TRAM2: variants seen among roughly 807,000 people sequenced by gnomAD.
TRAM2 encodes translocating chain-associated membrane protein 2.
A neutral mutation model predicts 51.0 loss-of-function variants in TRAM2; 12 were observed. The observed-to-expected ratio is 0.24, with a 90% confidence interval of 0.15 to 0.38. The LOEUF (loss-of-function observed/expected upper bound fraction) is 0.38. Ranked by LOEUF, TRAM2 falls within the 10% of genes least tolerant of loss-of-function variation. TRAM2 has a pLI of 1.00. For missense variants in TRAM2, 361 were observed against 462.0 expected, an observed-to-expected ratio of 0.78 and a Z score of 2.00; for synonymous variants, 175 against 179.4, an observed-to-expected ratio of 0.98 and a Z score of 0.20.
chr6:52,544,410 G>A (rs1210161172), intron 1 of TRAM2, among the ~76,000 whole-genome samples: 2 of 152,198 alleles, frequency 1.3e-5, no homozygotes, highest in Non-Finnish European at 2.9e-5. Flanking sequence ...GGGGTCCCAA[G>A]GAGTTGGCCA....
chr6:52,537,867 T>C (rs2114088146), intron 1 of TRAM2, among the ~76,000 whole-genome samples: 1 of 152,294 alleles, frequency 6.6e-6, no homozygotes, highest in East Asian at 1.9e-4. Flanking sequence ...TCCCCCTCTG[T>C]CGTGGGAGCT....
chr6:52,505,932 G>C, intron 8 of TRAM2, 100 bp downstream of exon 8: 2 of 1,429,072 alleles, frequency 1.4e-6, no homozygotes, highest in South Asian at 2.4e-5. Flanking sequence ...GCAGGTAAGC[G>C]GGCAGTGTGC....
At position 52,550,244 on chromosome 6, in the gene TRAM2, A is replaced by G. The variant is rs560788803; in HGVS notation, c.121-14398T>C. On this transcript the variant is annotated intron_variant, in intron 1 of 10. Transcript: ENST00000182527. ...CCCTCCCCTTCAACCACAGCTCTCA[A>G]TGGTATTTCCTCTCTCCCTTCCTTC... Among the ~76,000 whole-genome samples, 74 of 152,184 alleles carry G rather than the reference A, an allele frequency of 4.9e-4. No homozygotes were observed. The South Asian group carries it at 0.015, about 30-fold the overall frequency.
chr6:52,507,060 T>C (rs1310561416), intron 7 of TRAM2, among the ~76,000 whole-genome samples: 2 of 152,194 alleles, frequency 1.3e-5, no homozygotes, highest in Non-Finnish European at 2.9e-5. Context: ...AGAACTAATA[T>C]TATAGCAATT....
chr6:52,521,522 G>A (rs898311371), intron 2 of TRAM2, among the ~76,000 whole-genome samples: 5 of 151,226 alleles, frequency 3.3e-5, no homozygotes, highest in African/African-American at 7.3e-5. Flanking sequence ...TGAAACCCCC[G>A]TCTCCACTAA....
chr6:52,520,717 G>C (rs1213044383), intron 2 of TRAM2, among the ~76,000 whole-genome samples: 2 of 152,080 alleles, frequency 1.3e-5, no homozygotes, highest in Admixed American at 6.6e-5. Context: ...CTAGAACCCA[G>C]CCACCAAATG....
intron 1 of TRAM2, among the ~76,000 whole-genome samples, chr6:52,537,576 G>A (rs976192098): frequency 6.6e-6 from 1 of 152,040 alleles, no homozygotes; most frequent in East Asian, 1.9e-4. Context: ...GCTGTTCAAG[G>A]GGCATGATCT....
rs1466176817 is a variant in TRAM2, at chr6:52,504,866, C to T, written c.876-112G>A. 2.0e-5 allele frequency: 19 copies of T among 940,116 alleles called. No individual in the cohort carries two copies. In the Middle Eastern group the frequency reaches 1.0e-3, roughly 50 times the overall value. The allele number at this position is 940,116 out of a possible 1,614,324, so 58.2% of individuals were successfully genotyped here. ...GCCCTGCAGTTCCCATGGCTTATCA[C>T]GTCCGCCTTCACCACTGGCCCTCTT... On this transcript the variant is annotated intron_variant, in intron 9 of 10. Transcript: ENST00000182527.
At chr6:52,547,555 G>A (rs1300190860) in intron 1 of TRAM2, among the ~76,000 whole-genome samples, 2 of 152,184 alleles carry the variant, frequency 1.3e-5, no homozygotes, top group South Asian at 2.1e-4. Context: ...CACTATATTC[G>A]CAAAGGGGCT....
At chr6:52,508,964 G>A (rs575112645) in intron 5 of TRAM2, among the ~76,000 whole-genome samples, 21 of 152,328 alleles carry the variant, frequency 1.4e-4, no homozygotes, top group South Asian at 2.1e-4. Context: ...AACCCAGGAG[G>A]TGGAGGTTGC....
rs115761054 is a variant in TRAM2, at chr6:52,560,563, G to A, written c.120+16233C>T. ...TTTACCTAATCTGTTCATTGTAGGT[G>A]GATATTTGGGTTATTTCAAACGAAG... On this transcript the variant is annotated intron_variant, in intron 1 of 10. Coordinates refer to ENST00000182527, the MANE Select transcript of TRAM2 (RefSeq NM_012288.4). Among the ~76,000 whole-genome samples, 637 of 152,302 alleles carry A rather than the reference G, an allele frequency of 4.2e-3. 3 individuals are homozygous for A. Among genetic ancestry groups the A allele is most frequent in the South Asian group, 0.028 (135 of 4,826 alleles).
intron 2 of TRAM2, among the ~76,000 whole-genome samples, chr6:52,531,851 ATCTC>A (rs146767145): frequency 0.03 from 4,501 of 152,206 alleles, 185 homozygotes; most frequent in African/African-American, 0.1. Flanking sequence ...TTTATTACCT[ATCTC>A]TCTCTAATAA....
At chr6:52,504,440 T>C in intron 10 of TRAM2, 151 bp downstream of exon 10, 3 of 1,396,608 alleles carry the variant, frequency 2.1e-6, no homozygotes, top group Non-Finnish European at 2.8e-6. Flanking sequence ...ATCAGGGAGC[T>C]AGGAGCCCCA....
rs575037666 is a variant in TRAM2 at position 52,498,831 on chromosome 6, G to A, written c.*4366C>T. 5 of 152,726 alleles carry A rather than the reference G, an allele frequency of 3.3e-5. No individual in the cohort carries two copies. The highest frequency in any genetic ancestry group is 1.2e-4 in the African/African-American group (5 of 41,536). 9.5% of individuals were successfully genotyped at this position (152,726 alleles called of 1,614,324 possible). ...TGGCTGCCGTCGAGCCCTGGCAACT[G>A]GGGGCTGGCCACGGAGTACAAGTTG... On this transcript the variant is annotated 3_prime_UTR_variant, in exon 11 of 11. Coordinates refer to ENST00000182527, the MANE Select transcript of TRAM2 (RefSeq NM_012288.4).
intron 4 of TRAM2, among the ~76,000 whole-genome samples, chr6:52,510,241 C>G (rs943909167): frequency 6.6e-6 from 1 of 152,182 alleles, no homozygotes; most frequent in Non-Finnish European, 1.5e-5. Context: ...TCTTGCCTAT[C>G]TTTAGAATTC....
At position 52,505,927 on chromosome 6, in the gene TRAM2, T is replaced by A. The variant is rs561739933; in HGVS notation, c.731+105A>T. On this transcript the variant is annotated intron_variant, in intron 8 of 10. Coordinates refer to ENST00000182527, the MANE Select transcript of TRAM2 (RefSeq NM_012288.4). ...ATAACGGGAGGGCACCACCTGCAGGTAAGCGGGCAGTGTGCAACCAGGGAG... is the reference window on the plus strand; with the variant it reads ...ATAACGGGAGGGCACCACCTGCAGGAAAGCGGGCAGTGTGCAACCAGGGAG... The A allele has an allele frequency of 1.9e-5, 27 of 1,409,128 alleles. No homozygotes were observed. The African/African-American group carries it at 3.0e-4, about 16-fold the overall frequency. 87.3% of individuals were successfully genotyped at this position (1,409,128 alleles called of 1,614,324 possible). A position where few individuals can be genotyped will look rare whatever the true frequency, so the allele number is the denominator to read the frequency against.
intron 2 of TRAM2, chr6:52,524,088 TG>T (rs1315397363): frequency 6.6e-6 from 1 of 152,228 alleles, no homozygotes; most frequent in East Asian, 1.9e-4. Context: ...CAGGTAAAAC[TG>T]TAACTGAGAG....
In TRAM2 at chr6:52,503,139, G is replaced by T; in HGVS notation, c.*58C>A. On this transcript the variant is annotated 3_prime_UTR_variant, in exon 11 of 11. Transcript: ENST00000182527. Reference sequence around the variant, plus strand: ...AGGAGGAGGCAGGGAGGGGGCCTGGGCTCCTTGCCCCCTGCTCGGCCCCCA... The same window carrying T: ...AGGAGGAGGCAGGGAGGGGGCCTGGTCTCCTTGCCCCCTGCTCGGCCCCCA... 2.1e-6 allele frequency: 3 copies of T among 1,429,544 alleles called. No homozygotes were observed. Among genetic ancestry groups the T allele is most frequent in the Non-Finnish European group, 3.0e-6 (3 of 1,012,210 alleles). The allele number at this position is 1,429,544 out of a possible 1,614,324, so 88.6% of individuals were successfully genotyped here.
Position 52,506,126 on chromosome 6 carries a change from G to A in TRAM2, c.637C>T (p.Leu213=). The A allele has an allele frequency of 6.2e-7, 1 of 1,613,918 alleles. No individual in the cohort carries two copies. Among genetic ancestry groups the A allele is most frequent in the Non-Finnish European group, 8.5e-7 (1 of 1,180,038 alleles). Residue 213 remains leucine (L), a synonymous_variant, in exon 8 of 11, where the codon CTG becomes TTG. Coordinates refer to ENST00000182527, the MANE Select transcript of TRAM2 (RefSeq NM_012288.4). Reference sequence around the variant, plus strand: ...TGCAGCAGCAGCAAGATCAGGCCCAGGCGGCTCAGGCTGGGGGTGGGGAAG... The same window carrying A: ...TGCAGCAGCAGCAAGATCAGGCCCAAGCGGCTCAGGCTGGGGGTGGGGAAG... ...AGAYLLNLSR[L]GLILLLLQYS...
Sources: gnomAD v4.1 joint callset for allele counts (sites outside exome capture counted in the v4.1 genomes callset) on GRCh38, gnomAD v4.1.1 for gene constraint, MANE v1.5 for transcripts, NCBI Gene and HGNC (gene_info 2026-07-23, HGNC 2026-07-21) for gene names.